The following YAP1 variants were observed in gnomAD, a reference collection of about 807,000 sequenced individuals.
YAP1 encodes the protein Yes1 associated transcriptional regulator, also known as transcriptional coactivator YAP1.
A neutral mutation model predicts 56.9 loss-of-function variants in YAP1; 5 were observed. The ratio of observed to expected loss-of-function variants is 0.09; its 90% CI spans 0.05 to 0.18. The LOEUF (loss-of-function observed/expected upper bound fraction) is 0.18. YAP1 is among the 10% of genes least tolerant of loss of function. The pLI is 1.00. For synonymous variants in YAP1, 265 were observed against 248.1 expected, an observed-to-expected ratio of 1.07 and a Z score of -0.64; for missense variants, 539 against 651.8, an observed-to-expected ratio of 0.83 and a Z score of 1.88.
chr11:102,123,411 T>G (rs571795139), intron 2 of YAP1, among the ~76,000 whole-genome samples: 200 of 152,272 alleles, frequency 1.3e-3, no homozygotes, highest in African/African-American at 4.5e-3. Context: ...ATCACTCTTA[T>G]GGGTTGGGTA....
intron 2 of YAP1, among the ~76,000 whole-genome samples, chr11:102,149,947 T>G (rs559143485): frequency 1.3e-5 from 2 of 151,664 alleles, no homozygotes; most frequent in East Asian, 3.9e-4. Context: ...TCTACTGATA[T>G]TTGCTAAAAA....
chr11:102,157,029 T>C (rs951209532), intron 2 of YAP1, among the ~76,000 whole-genome samples: 5 of 152,364 alleles, frequency 3.3e-5, no homozygotes, highest in South Asian at 4.1e-4. Flanking sequence ...TGTAGACTTA[T>C]AATAAATGGT....
At chr11:102,151,866 C>G (rs890555646) in intron 2 of YAP1, among the ~76,000 whole-genome samples, 1 of 152,062 alleles carries the variant, frequency 6.6e-6, no homozygotes, top group Non-Finnish European at 1.5e-5. Flanking sequence ...GGTTGAGTGA[C>G]CATTATGAGT....
At chr11:102,225,737 A>G (rs984266656) in intron 7 of YAP1, among the ~76,000 whole-genome samples, 1 of 152,192 alleles carries the variant, frequency 6.6e-6, no homozygotes, top group Non-Finnish European at 1.5e-5. Context: ...CTGTGCTTAC[A>G]TCTGAGTTCA....
intron 2 of YAP1, among the ~76,000 whole-genome samples, chr11:102,125,432 G>A (rs935699394): frequency 5.5e-5 from 8 of 146,620 alleles, no homozygotes; most frequent in Admixed American, 2.7e-4. Flanking sequence ...GCTGGAGTGC[G>A]GTGGCACAAT....
chr11:102,179,779 A>C lies in YAP1; in HGVS notation c.689-6239A>C, dbSNP rs570882422. On this transcript the variant is annotated intron_variant, in intron 3 of 8. Coordinates refer to ENST00000282441, the MANE Select transcript of YAP1 (RefSeq NM_001130145.3). Reference sequence around the variant, plus strand: ...CTATCTGGAACATAAATTCCATCAGATAGGGACTATGTTGTTTATTGCTCC... The same window carrying C: ...CTATCTGGAACATAAATTCCATCAGCTAGGGACTATGTTGTTTATTGCTCC... Among the ~76,000 whole-genome samples, 5 of 152,164 alleles carry C rather than the reference A, an allele frequency of 3.3e-5. No individual in the cohort carries two copies. The South Asian group carries it at 1.0e-3, about 32-fold the overall frequency.
chr11:102,141,069 A>G (rs930278330), intron 2 of YAP1, among the ~76,000 whole-genome samples: 1 of 152,096 alleles, frequency 6.6e-6, no homozygotes, highest in African/African-American at 2.4e-5. Flanking sequence ...CTTTTCCGGA[A>G]CGATTTAAAT....
intron 5 of YAP1, among the ~76,000 whole-genome samples, chr11:102,208,139 C>T (rs1163247129): frequency 6.6e-6 from 1 of 152,208 alleles, no homozygotes; most frequent in Non-Finnish European, 1.5e-5. Context: ...ATTGTCTGTT[C>T]TCAGATCCCA....
chr11:102,144,772 T>G (rs962451654), intron 2 of YAP1, among the ~76,000 whole-genome samples: 3 of 152,176 alleles, frequency 2.0e-5, no homozygotes, highest in Non-Finnish European at 4.4e-5. Context: ...GAATGTTGCC[T>G]TACCCTTTTT....
rs756005245 is a variant in YAP1, at chr11:102,233,182, A to G, written c.*3242A>G. ...AATTGTGGGTGTGCCTATCATAACA[A>G]TTGTTTTCTGTATCTTGAAAAAGTA... On this transcript the variant is annotated 3_prime_UTR_variant, in exon 9 of 9. Coordinates refer to ENST00000282441, the MANE Select transcript of YAP1 (RefSeq NM_001130145.3). 4 of 152,160 alleles carry G rather than the reference A, an allele frequency of 2.6e-5. No homozygotes were observed. The highest frequency in any genetic ancestry group is 4.4e-5 in the Non-Finnish European group (3 of 68,028). The allele number at this position is 152,160 out of a possible 1,614,324, so 9.4% of individuals were successfully genotyped here. A position where few individuals can be genotyped will look rare whatever the true frequency, so the allele number is the denominator to read the frequency against.
At position 102,162,501 on chromosome 11, in the gene YAP1, G is replaced by C. The variant is rs1946348928; in HGVS notation, c.618G>C (p.Met206Ile). The change falls in exon 3 of 9, where the codon ATG becomes ATC. Residue 206 changes from methionine (M) to isoleucine (I), a missense_variant. Met to Ile is a conservative substitution (Grantham distance 10). Transcript: ENST00000282441. ...TTTWQDPRKA[M>I]LSQMNVTAPT... The stretch of plus-strand genomic sequence containing the variant: ...CATGGCAGGACCCCAGGAAGGCCAT[G>C]CTGTCCCAGATGAACGTCACAGCCC... 2 of 1,614,080 alleles carry C rather than the reference G, an allele frequency of 1.2e-6. No homozygotes were observed. The highest frequency in any genetic ancestry group is 1.3e-5 in the African/African-American group (1 of 74,932).
At chr11:102,135,809 A>T (rs1464662409) in intron 2 of YAP1, among the ~76,000 whole-genome samples, 1 of 152,230 alleles carries the variant, frequency 6.6e-6, no homozygotes, top group Non-Finnish European at 1.5e-5. Context: ...TATATAAATG[A>T]AGTGATATCT....
intron 1 of YAP1, chr11:102,112,811 C>T (rs1239729291): frequency 1.0e-6 from 1 of 973,614 alleles, no homozygotes; most frequent in Admixed American, 6.2e-5. Flanking sequence ...TGTATGTTGG[C>T]ATGCACCCTA....
At chr11:102,209,614 T>G (rs535735103) in intron 6 of YAP1, 50 bp downstream of exon 6, 1 of 1,414,260 alleles carries the variant, frequency 7.1e-7, no homozygotes, top group African/African-American at 1.5e-5. Flanking sequence ...AAAAAAGATA[T>G]TAAATTAGGA....
intron 2 of YAP1, among the ~76,000 whole-genome samples, chr11:102,160,316 C>A (rs1237539354): frequency 7.2e-5 from 11 of 152,190 alleles, no homozygotes; most frequent in Non-Finnish European, 7.3e-5. Flanking sequence ...AGCCACTGCG[C>A]CTGGCCCAGC....
At chr11:102,179,054 C>T (rs1319503644) in intron 3 of YAP1, among the ~76,000 whole-genome samples, 1 of 145,614 alleles carries the variant, frequency 6.9e-6, no homozygotes, top group South Asian at 2.3e-4. Context: ...ACCCCCCACC[C>T]CGTGACCCAG....
At chr11:102,178,431 G>A (rs947684396) in intron 3 of YAP1, among the ~76,000 whole-genome samples, 3 of 152,180 alleles carry the variant, frequency 2.0e-5, no homozygotes, top group African/African-American at 7.2e-5. Context: ...AGTTAATCAG[G>A]ATTTTCCTGT....
At chr11:102,145,677 C>G (rs184411189) in intron 2 of YAP1, among the ~76,000 whole-genome samples, 4 of 152,276 alleles carry the variant, frequency 2.6e-5, no homozygotes, top group Admixed American at 2.6e-4. Context: ...AAAATGTTGA[C>G]TGTATTTTAT....
intron 3 of YAP1, among the ~76,000 whole-genome samples, chr11:102,174,434 TA>T (rs1417470771): frequency 6.6e-6 from 1 of 151,720 alleles, no homozygotes; most frequent in Non-Finnish European, 1.5e-5. Flanking sequence ...CTGTCTCTAC[TA>T]AAATACAAAA....
Sources: gnomAD v4.1 joint callset for allele counts (sites outside exome capture counted in the v4.1 genomes callset) on GRCh38, gnomAD v4.1.1 for gene constraint, MANE v1.5 for transcripts, NCBI Gene and HGNC (gene_info 2026-07-23, HGNC 2026-07-21) for gene names.